TBC1D5: variants seen among roughly 807,000 people sequenced by gnomAD.
TBC1D5 encodes TBC1 domain family, member 5.
A neutral mutation model predicts 100.3 loss-of-function variants in TBC1D5; 75 were observed. That is an observed-to-expected ratio of 0.75 (90% confidence interval 0.62 to 0.91). The LOEUF (loss-of-function observed/expected upper bound fraction) is 0.91. TBC1D5 is among the 40% of genes least tolerant of loss of function. The pLI is 0.00. For synonymous variants in TBC1D5, 323 were observed against 325.6 expected, an observed-to-expected ratio of 0.99 and a Z score of 0.09; for missense variants, 910 against 942.4, an observed-to-expected ratio of 0.97 and a Z score of 0.45.
chr3:17,163,867 G>A (rs904442629), intron 21 of TBC1D5, among the ~76,000 whole-genome samples: 11 of 152,166 alleles, frequency 7.2e-5, no homozygotes, highest in African/African-American at 2.4e-4. Flanking sequence ...AGATAGATAC[G>A]TGGCTAGTGG....
intron 2 of TBC1D5, among the ~76,000 whole-genome samples, chr3:17,554,235 C>T (rs796141821): frequency 6.6e-6 from 1 of 152,178 alleles, no homozygotes; most frequent in Non-Finnish European, 1.5e-5. Context: ...ATTAACGAAG[C>T]CCATTACTTA....
intron 8 of TBC1D5, among the ~76,000 whole-genome samples, chr3:17,388,741 T>C (rs957762907): frequency 1.3e-5 from 2 of 150,214 alleles, no homozygotes; most frequent in African/African-American, 4.9e-5. Context: ...CACAAACCTG[T>C]AGTCCCAGCT....
At chr3:17,737,913 G>A (rs1358403845) in intron 1 of TBC1D5, among the ~76,000 whole-genome samples, 1 of 151,656 alleles carries the variant, frequency 6.6e-6, no homozygotes, top group African/African-American at 2.4e-5. Flanking sequence ...TTTTCCTGGA[G>A]TTAGCCACAG....
intron 9 of TBC1D5, among the ~76,000 whole-genome samples, chr3:17,382,061 TC>T (rs1185128617): frequency 6.6e-6 from 1 of 152,024 alleles, no homozygotes; most frequent in Admixed American, 6.6e-5. Flanking sequence ...TATCTATATT[TC>T]CCATTATCCC....
chr3:17,370,583 T>C (rs994999502), intron 13 of TBC1D5, among the ~76,000 whole-genome samples: 3 of 152,112 alleles, frequency 2.0e-5, no homozygotes, highest in Admixed American at 1.3e-4. Context: ...CTGCTCTCAA[T>C]GATGAGGTTA....
At chr3:17,653,005 C>T (rs1309168448) in intron 1 of TBC1D5, among the ~76,000 whole-genome samples, 5 of 152,132 alleles carry the variant, frequency 3.3e-5, no homozygotes, top group East Asian at 1.9e-4. Flanking sequence ...TGCTAAGATA[C>T]GGACAAACCT....
chr3:17,187,021 T>C (rs925063376), intron 18 of TBC1D5, among the ~76,000 whole-genome samples: 5 of 152,160 alleles, frequency 3.3e-5, no homozygotes, highest in African/African-American at 4.8e-5. Flanking sequence ...GGGCTTTTTT[T>C]CTACTCTTTT....
chr3:17,518,474 T>C (rs1238752226), intron 2 of TBC1D5, among the ~76,000 whole-genome samples: 2 of 152,200 alleles, frequency 1.3e-5, no homozygotes, highest in Admixed American at 1.3e-4. Context: ...CAGCTGGAGA[T>C]GGCCAGATTT....
chr3:17,262,158 A>G (rs2078366977), intron 15 of TBC1D5, among the ~76,000 whole-genome samples: 1 of 152,322 alleles, frequency 6.6e-6, no homozygotes, highest in South Asian at 2.1e-4. Context: ...ATCACAGAAT[A>G]TATTTTACAA....
At chr3:17,162,028 T>A (rs1575667949) in intron 21 of TBC1D5, among the ~76,000 whole-genome samples, 1 of 116,878 alleles carries the variant, frequency 8.6e-6, no homozygotes, top group African/African-American at 4.1e-5. Context: ...TTTTTTAACT[T>A]ACTTAATAAA....
chr3:17,714,434 T>C (rs2075048753), intron 1 of TBC1D5, among the ~76,000 whole-genome samples: 1 of 152,186 alleles, frequency 6.6e-6, no homozygotes, highest in South Asian at 2.1e-4. Flanking sequence ...GCTTCCACCT[T>C]GGACTGCTTC....
At chr3:17,208,810 A>G (rs561126073) in intron 18 of TBC1D5, among the ~76,000 whole-genome samples, 29 of 152,318 alleles carry the variant, frequency 1.9e-4, no homozygotes, top group African/African-American at 6.3e-4. Context: ...ACCTGTCTCC[A>G]TATGCCTTTC....
At chr3:17,395,294 T>A (rs2093469584) in intron 8 of TBC1D5, among the ~76,000 whole-genome samples, 2 of 151,900 alleles carry the variant, frequency 1.3e-5, no homozygotes, top group Admixed American at 1.3e-4. Flanking sequence ...ACCATAATGG[T>A]AAAAAATTAG....
intron 3 of TBC1D5, among the ~76,000 whole-genome samples, chr3:17,453,741 G>A (rs2094983662): frequency 1.3e-5 from 2 of 152,172 alleles, no homozygotes; most frequent in African/African-American, 4.8e-5. Flanking sequence ...AAAAACTAGA[G>A]GCCAAGGGGA....
intron 2 of TBC1D5, among the ~76,000 whole-genome samples, chr3:17,516,763 G>C (rs1236211233): frequency 6.6e-6 from 1 of 152,138 alleles, no homozygotes; most frequent in African/African-American, 2.4e-5. Context: ...TGTGGTTCAT[G>C]CTACTGGTAA....
chr3:17,430,641 C>T (rs1045569957), intron 3 of TBC1D5, among the ~76,000 whole-genome samples: 5 of 151,726 alleles, frequency 3.3e-5, no homozygotes, highest in African/African-American at 7.2e-5. Context: ...AGTTTTGAAG[C>T]GGGAAAAACG....
intron 14 of TBC1D5, among the ~76,000 whole-genome samples, chr3:17,292,663 T>C (rs2081886783): frequency 6.6e-6 from 1 of 152,182 alleles, no homozygotes; most frequent in Non-Finnish European, 1.5e-5. Context: ...GTGTAATTAT[T>C]AAACACATCT....
intron 13 of TBC1D5, among the ~76,000 whole-genome samples, chr3:17,315,916 C>T (rs1435408739): frequency 5.9e-5 from 9 of 152,152 alleles, no homozygotes; most frequent in Middle Eastern, 3.4e-3. Context: ...GCTAACTAGA[C>T]GTGGGGTACC....
intron 3 of TBC1D5, among the ~76,000 whole-genome samples, chr3:17,498,142 T>C (rs982730560): frequency 6.6e-6 from 1 of 152,152 alleles, no homozygotes; most frequent in Non-Finnish European, 1.5e-5. Context: ...TTTCCTAAAA[T>C]GTAAAACCAG....
Sources: allele counts gnomAD v4.1 joint callset (sites outside exome capture counted in the v4.1 genomes callset), GRCh38; gene constraint gnomAD v4.1.1; transcripts MANE v1.5; gene names NCBI Gene and HGNC (gene_info 2026-07-23, HGNC 2026-07-21).